NCR2: variants seen among roughly 807,000 people sequenced by gnomAD.
The protein encoded by NCR2 is natural cytotoxicity triggering receptor 2.
NCR2 carries 35 observed loss-of-function variants against 30.7 expected under a neutral mutation model. The ratio of observed to expected loss-of-function variants is 1.14; its 90% CI spans 0.87 to 1.51. The LOEUF (loss-of-function observed/expected upper bound fraction) is 1.51. Ranked by LOEUF, NCR2 falls within the 40% of genes most tolerant of loss-of-function variation. The probability of loss-of-function intolerance (pLI) is 0.00; values close to 1 mark genes in which losing one functional copy is unlikely to be tolerated. For synonymous variants in NCR2, 146 were observed against 134.8 expected (o/e 1.08, Z -0.58); for missense variants, 316 against 328.9 (o/e 0.96, Z 0.30).
At chr6:41,342,997 C>T (rs1361396338) in intron 4 of NCR2, 22 of 1,550,516 alleles carry the variant, frequency 1.4e-5, no homozygotes, top group Non-Finnish European at 1.7e-5. Flanking sequence ...GGCCCATAGA[C>T]ACTTCCCACT....
At chr6:41,342,298 C>T (rs1242725252) in intron 4 of NCR2, 149 bp downstream of exon 4, 2 of 1,083,474 alleles carry the variant, frequency 1.8e-6, no homozygotes, top group Non-Finnish European at 2.6e-6. Flanking sequence ...TGGAGTCCAT[C>T]CATCTGACAT....
intron 4 of NCR2, among the ~76,000 whole-genome samples, chr6:41,348,884 G>A (rs1032405403): frequency 9.9e-5 from 15 of 152,074 alleles, no homozygotes; most frequent in African/African-American, 3.4e-4. Context: ...CACACCATGT[G>A]CTTCTGACAA....
Position 41,336,224 on chromosome 6 carries a change from A to C in NCR2, c.190A>C (p.Ile64Leu). ...WCKEASALVC[I>L]RLVTSSKPRT... is the part of the protein sequence containing the mutation. ...TAAGGAGGCTTCAGCACTTGTGTGCATCAGGTTAGTCACCAGCTCCAAGCC... is the reference window on the plus strand; with the variant it reads ...TAAGGAGGCTTCAGCACTTGTGTGCCTCAGGTTAGTCACCAGCTCCAAGCC... The change falls in exon 2 of 5, where the codon ATC becomes CTC. Residue 64 changes from isoleucine to leucine, a missense_variant. Ile to Leu is a conservative substitution (Grantham distance 5, BLOSUM62 2). Coordinates refer to ENST00000373089, the MANE Select transcript of NCR2 (RefSeq NM_004828.4). 6.2e-7 allele frequency: 1 copy of C among 1,614,198 alleles called. No homozygotes were observed. The highest frequency in any genetic ancestry group is 8.5e-7 in the Non-Finnish European group (1 of 1,180,032).
chr6:41,342,128 T>C lies in NCR2; in HGVS notation c.623T>C (p.Leu208Pro), dbSNP rs773602037. 2.9e-5 allele frequency: 47 copies of C among 1,613,250 alleles called. No individual in the cohort carries two copies. The highest frequency in any genetic ancestry group is 3.3e-4 in the Middle Eastern group (2 of 6,084). The change falls in exon 4 of 5, where the codon CTG (leucine) becomes CCG (proline). Residue 208 changes from leucine (L) to proline (P), a missense_variant. Transcript: ENST00000373089. ...CTCCTCGTAGCCAAGAGCCTGGTGC[T>C]GTCAGCCCTGCTCGTCTGGTGGTGA... Reference protein sequence around the residue: ...CGLLVAKSLVLSALLVWWGDI... With the variant: ...CGLLVAKSLVPSALLVWWGDI...
intron 4 of NCR2, among the ~76,000 whole-genome samples, chr6:41,348,658 C>T (rs183768529): frequency 2.6e-5 from 4 of 152,200 alleles, no homozygotes; most frequent in African/African-American, 7.2e-5. Context: ...TTTACAGCTT[C>T]GTAACTTCCT....
At chr6:41,341,748 G>T in intron 2 of NCR2, 46 bp from the exon 3 acceptor site, 1 of 1,568,764 alleles carries the variant, frequency 6.4e-7, no homozygotes. Flanking sequence ...GCAGGCACAA[G>T]TGAGGTCTCC....
At chr6:41,344,246 C>T (rs1342082973) in intron 4 of NCR2, among the ~76,000 whole-genome samples, 7 of 152,178 alleles carry the variant, frequency 4.6e-5, no homozygotes, top group African/African-American at 1.7e-4. Context: ...AGCACAGCAC[C>T]CCACTGTGCT....
intron 2 of NCR2, among the ~76,000 whole-genome samples, chr6:41,338,395 C>CT (rs202190390): frequency 0.011 from 1,623 of 152,102 alleles, 35 homozygotes; most frequent in African/African-American, 0.036. Context: ...AGTTAAGCTG[C>CT]TTTTTTTTCA....
chr6:41,350,441 T>C (rs1470740090), intron 4 of NCR2, among the ~76,000 whole-genome samples: 1 of 151,802 alleles, frequency 6.6e-6, no homozygotes, highest in Non-Finnish European at 1.5e-5. Context: ...TGGTGGACAG[T>C]AGAGGAAAAT....
intron 4 of NCR2, among the ~76,000 whole-genome samples, chr6:41,347,498 G>C (rs9394784): frequency 0.71 from 108,301 of 152,038 alleles, 39,471 homozygotes; most frequent in East Asian, 0.86. Flanking sequence ...CCAGTGAGTT[G>C]TGCACTGTGA....
intron 4 of NCR2, among the ~76,000 whole-genome samples, chr6:41,345,870 C>G (rs1769286973): frequency 6.6e-6 from 1 of 152,194 alleles, no homozygotes; most frequent in African/African-American, 2.4e-5. Context: ...GCGGTACTCT[C>G]CCTGACATCT....
At chr6:41,343,770 C>T (rs1294176059) in intron 4 of NCR2, among the ~76,000 whole-genome samples, 1 of 151,766 alleles carries the variant, frequency 6.6e-6, no homozygotes, top group Non-Finnish European at 1.5e-5. Flanking sequence ...TGGCTGTTAC[C>T]TCTCTCTCCT....
intron 2 of NCR2, 21 bp downstream of exon 2, chr6:41,336,449 C>A (rs1202800115): frequency 2.5e-6 from 4 of 1,592,306 alleles, no homozygotes; most frequent in Admixed American, 1.7e-5. Context: ...TCCCTAGGGT[C>A]CTCAGAGGGG....
In NCR2 at chr6:41,335,875, A is replaced by G; in HGVS notation, c.-2A>G. 6.4e-7 allele frequency: 1 copy of G among 1,566,246 alleles called. No individual in the cohort carries two copies. Among genetic ancestry groups the G allele is most frequent in the Non-Finnish European group, 8.7e-7 (1 of 1,154,812 alleles). ...CCCATGAGCGCACAGGAAAAGGACC[A>G]CATGGCCTGGCGAGCCCTACACCCA... On this transcript the variant is annotated 5_prime_UTR_variant, in exon 1 of 5. Coordinates refer to ENST00000373089, the MANE Select transcript of NCR2 (RefSeq NM_004828.4).
chr6:41,343,822 G>C (rs75674258), intron 4 of NCR2, among the ~76,000 whole-genome samples: 11,933 of 152,122 alleles, frequency 0.078, 860 homozygotes, highest in East Asian at 0.3. Flanking sequence ...TTTTGGCTTG[G>C]TGGTGTGGAA....
intron 2 of NCR2, among the ~76,000 whole-genome samples, chr6:41,339,285 C>T (rs974912487): frequency 3.3e-5 from 5 of 152,078 alleles, no homozygotes; most frequent in African/African-American, 7.2e-5. Flanking sequence ...TGGTCTTGAA[C>T]TCGTGACCTC....
At chr6:41,337,197 A>C (rs684054) in intron 2 of NCR2, among the ~76,000 whole-genome samples, 125,357 of 152,192 alleles carry the variant, frequency 0.82, 52,260 homozygotes, top group African/African-American at 0.96. Flanking sequence ...ACAGTAAAAA[A>C]AAATTACTAG....
chr6:41,347,226 G>A (rs1355013056), intron 4 of NCR2, among the ~76,000 whole-genome samples: 1 of 152,100 alleles, frequency 6.6e-6, no homozygotes, highest in East Asian at 1.9e-4. Flanking sequence ...AATAGAAAAA[G>A]GAATATTCAT....
rs771154603 is a variant in NCR2 at position 41,336,400 on chromosome 6, C to T, written c.366C>T (p.Ser122=). 30 of 1,613,658 alleles carry T rather than the reference C, an allele frequency of 1.9e-5. No individual in the cohort carries two copies. Among genetic ancestry groups the T allele is most frequent in the South Asian group, 3.3e-5 (3 of 91,070 alleles). ...CTTCTGACAACTCTGTCTCTAAGTC[C>T]GTCAGATTCTATCTGGTGGTATCTC... ...YRPSDNSVSK[S]VRFYLVVSPA... The change falls in exon 2 of 5, where the codon TCC becomes TCT. Residue 122 remains serine, a synonymous_variant. Coordinates refer to ENST00000373089, the MANE Select transcript of NCR2 (RefSeq NM_004828.4).
Sources: allele counts gnomAD v4.1 joint callset (sites outside exome capture counted in the v4.1 genomes callset), GRCh38; gene constraint gnomAD v4.1.1; transcripts MANE v1.5; gene names NCBI Gene and HGNC (gene_info 2026-07-23, HGNC 2026-07-21).